Variants in SLC2A13 observed in about 807,000 individuals in gnomAD.
The protein encoded by SLC2A13 is proton myo-inositol cotransporter.
SLC2A13 carries 32 observed loss-of-function variants against 64.4 expected under a neutral mutation model. The observed-to-expected ratio is 0.50, with a 90% CI of 0.37 to 0.67. The LOEUF (loss-of-function observed/expected upper bound fraction) is 0.67. Among genes scored for constraint, SLC2A13 ranks in the 30% least tolerant of loss-of-function variants. The pLI is 0.00. For synonymous variants in SLC2A13, 338 were observed against 327.1 expected, an observed-to-expected ratio of 1.03 and a Z score of -0.36; for missense variants, 743 against 829.2, an observed-to-expected ratio of 0.90 and a Z score of 1.28.
At chr12:39,919,225 G>A (rs755452049) in intron 4 of SLC2A13, among the ~76,000 whole-genome samples, 4 of 151,952 alleles carry the variant, frequency 2.6e-5, no homozygotes, top group Non-Finnish European at 4.4e-5. Flanking sequence ...CACTGTGCTC[G>A]GCCGATTATA....
intron 6 of SLC2A13, among the ~76,000 whole-genome samples, chr12:39,863,275 C>T (rs1047101106): frequency 2.6e-5 from 4 of 152,126 alleles, no homozygotes; most frequent in Non-Finnish European, 5.9e-5. Context: ...GTGAGATATA[C>T]TTGGGCAATA....
intron 3 of SLC2A13, among the ~76,000 whole-genome samples, chr12:39,975,954 C>T (rs567725815): frequency 1.3e-5 from 2 of 152,320 alleles, no homozygotes; most frequent in East Asian, 3.9e-4. Flanking sequence ...ACTAGGAGTG[C>T]TCCATTCTAA....
chr12:39,778,623 C>T lies in SLC2A13; in HGVS notation c.1446-13765G>A, dbSNP rs148003128. Among the ~76,000 whole-genome samples the T allele has an allele frequency of 2.2e-3, 331 of 152,198 alleles. 1 individual carries two copies. Among genetic ancestry groups the T allele is most frequent in the African/African-American group, 7.5e-3 (312 of 41,500 alleles). ...AATAGTTATTATTAACGTATTATTACATTAAATTATTAAATCAGTGGCAAC... is the reference window on the plus strand; with the variant it reads ...AATAGTTATTATTAACGTATTATTATATTAAATTATTAAATCAGTGGCAAC... On this transcript the variant is annotated intron_variant, in intron 7 of 9. Coordinates refer to ENST00000280871, the MANE Select transcript of SLC2A13 (RefSeq NM_052885.4).
intron 4 of SLC2A13, among the ~76,000 whole-genome samples, chr12:39,879,009 C>G (rs1427119132): frequency 1.3e-5 from 2 of 152,254 alleles, no homozygotes; most frequent in African/African-American, 4.8e-5. Context: ...CCAGCTCCAG[C>G]TGTGACTCAA....
intron 4 of SLC2A13, among the ~76,000 whole-genome samples, chr12:39,943,898 G>A (rs182538318): frequency 6.6e-6 from 1 of 152,324 alleles, no homozygotes; most frequent in Admixed American, 6.5e-5. Flanking sequence ...CGTTTGGGCA[G>A]ACACTGAGCT....
Position 39,821,139 on chromosome 12 carries a change from C to T in SLC2A13, c.1445+8964G>A, listed in dbSNP as rs115793180. ...CTTTTATAACTCAAAAAAAATTTTT[C>T]GCAGTGGCTCACGCCTGTAATCCCA... On this transcript the variant is annotated intron_variant, in intron 7 of 9. Transcript: ENST00000280871. 3.2e-3 allele frequency among the ~76,000 whole-genome samples: 491 copies of T among 152,140 alleles called. 1 individual carries two copies. The highest frequency in any genetic ancestry group is 0.011 in the African/African-American group (467 of 41,512).
intron 3 of SLC2A13, among the ~76,000 whole-genome samples, chr12:40,017,975 T>TAA (rs1565591824): frequency 1.1e-5 from 1 of 89,124 alleles, no homozygotes; most frequent in African/African-American, 4.5e-5. Context: ...ATGCACATAT[T>TAA]TAAAAAAAAA....
At chr12:39,812,360 TTC>T (rs1055092450) in intron 7 of SLC2A13, among the ~76,000 whole-genome samples, 2 of 145,818 alleles carry the variant, frequency 1.4e-5, no homozygotes, top group African/African-American at 2.6e-5. Context: ...TTCTTTTCTT[TTC>T]TTTTCTTTTC....
At chr12:39,771,666 A>G (rs933085372) in intron 7 of SLC2A13, among the ~76,000 whole-genome samples, 2 of 152,128 alleles carry the variant, frequency 1.3e-5, no homozygotes, top group African/African-American at 4.8e-5. Flanking sequence ...TGTGTGTTGC[A>G]GTAGTAAATG....
chr12:40,065,833 T>C (rs1232202675), intron 1 of SLC2A13, among the ~76,000 whole-genome samples: 1 of 152,220 alleles, frequency 6.6e-6, no homozygotes, highest in African/African-American at 2.4e-5. Context: ...ATAAGTGTTT[T>C]ATTTCAAAGT....
intron 3 of SLC2A13, among the ~76,000 whole-genome samples, chr12:39,960,828 A>C (rs113913902): frequency 0.019 from 2,780 of 144,676 alleles, 87 homozygotes; most frequent in African/African-American, 0.067. Flanking sequence ...GCTCACTGCA[A>C]CCTCAGTCTC....
intron 3 of SLC2A13, among the ~76,000 whole-genome samples, chr12:39,984,376 G>T (rs1946988284): frequency 1.3e-5 from 2 of 151,970 alleles, no homozygotes; most frequent in African/African-American, 2.4e-5. Flanking sequence ...AACGGTAAGT[G>T]CAATCTTCTA....
intron 1 of SLC2A13, among the ~76,000 whole-genome samples, chr12:40,054,417 C>T (rs1427680550): frequency 2.0e-5 from 3 of 152,138 alleles, no homozygotes; most frequent in Non-Finnish European, 4.4e-5. Flanking sequence ...TAAACTCACA[C>T]ATTGAAATTA....
intron 7 of SLC2A13, among the ~76,000 whole-genome samples, chr12:39,769,824 T>C (rs1940497711): frequency 6.6e-6 from 1 of 152,054 alleles, no homozygotes; most frequent in Admixed American, 6.6e-5. Context: ...GAGCTCTACC[T>C]GACTACACAA....
chr12:39,927,405 T>G (rs760969125), intron 4 of SLC2A13, among the ~76,000 whole-genome samples: 1 of 152,112 alleles, frequency 6.6e-6, no homozygotes, highest in Non-Finnish European at 1.5e-5. Context: ...AACATATTAG[T>G]CAAAGCATAC....
At chr12:39,781,442 C>A (rs1438268644) in intron 7 of SLC2A13, among the ~76,000 whole-genome samples, 1 of 152,218 alleles carries the variant, frequency 6.6e-6, no homozygotes, top group African/African-American at 2.4e-5. Context: ...CCATTGTCAC[C>A]ACTATGCCCC....
intron 7 of SLC2A13, among the ~76,000 whole-genome samples, chr12:39,789,801 C>T (rs184061929): frequency 6.6e-6 from 1 of 152,030 alleles, no homozygotes; most frequent in Non-Finnish European, 1.5e-5. Flanking sequence ...AGAGCTTGAG[C>T]CCCCATTTCA....
At chr12:39,785,681 C>T (rs1165718711) in intron 7 of SLC2A13, among the ~76,000 whole-genome samples, 3 of 152,118 alleles carry the variant, frequency 2.0e-5, no homozygotes, top group East Asian at 1.9e-4. Flanking sequence ...AACGCCAGCC[C>T]GTGAAAGCAG....
chr12:39,954,512 T>C (rs1404047792), intron 3 of SLC2A13, among the ~76,000 whole-genome samples: 1 of 152,124 alleles, frequency 6.6e-6, no homozygotes, highest in Non-Finnish European at 1.5e-5. Flanking sequence ...GGGCTGGGGA[T>C]AGTGCCTGTT....
Sources: gnomAD v4.1 joint callset for allele counts (sites outside exome capture counted in the v4.1 genomes callset) on GRCh38, gnomAD v4.1.1 for gene constraint, MANE v1.5 for transcripts, NCBI Gene and HGNC (gene_info 2026-07-23, HGNC 2026-07-21) for gene names.